C9orf50: variants seen among roughly 807,000 people sequenced by gnomAD.
C9orf50 encodes chromosome 9 open reading frame 50.
In C9orf50, 33 loss-of-function variants were observed where a neutral mutation model predicts 42.5. The observed-to-expected ratio is 0.78, with a 90% CI of 0.59 to 1.04. C9orf50 has a LOEUF of 1.04. Ranked by LOEUF, C9orf50 falls within the 50% of genes least tolerant of loss-of-function variation. The pLI is 0.00. For missense variants in C9orf50, 547 were observed against 594.3 expected, an observed-to-expected ratio of 0.92 and a Z score of 0.83; for synonymous variants, 257 against 273.4, an observed-to-expected ratio of 0.94 and a Z score of 0.59.
rs1404717597 is a variant in C9orf50 at position 129,618,874 on chromosome 9, T to TGTG, written c.716+645_716+646insCAC. 3.0e-3 allele frequency among the ~76,000 whole-genome samples: 457 copies of TGTG among 150,138 alleles called. 1 individual carries two copies. Among genetic ancestry groups the TGTG allele is most frequent in the African/African-American group, 0.011 (442 of 41,070 alleles). On this transcript the variant is annotated intron_variant, in intron 3 of 6. Coordinates refer to ENST00000372478, the Ensembl canonical transcript of C9orf50. ...CGCCCGGCTAATTTTTTGTGTTTTT[T>TGTG]TTTTTTTTTTTGTATATTTTTAGTA...
intron 3 of C9orf50, among the ~76,000 whole-genome samples, chr9:129,616,051 C>G (rs1255136029): frequency 6.6e-6 from 1 of 152,110 alleles, no homozygotes; most frequent in Non-Finnish European, 1.5e-5. Flanking sequence ...TCATGCAGTC[C>G]TGGGTTTCAT....
Sources: gnomAD v4.1 joint callset for allele counts (sites outside exome capture counted in the v4.1 genomes callset) on GRCh38, gnomAD v4.1.1 for gene constraint, MANE v1.5 for transcripts, NCBI Gene and HGNC (gene_info 2026-07-23, HGNC 2026-07-21) for gene names.